Variants in COL25A1 observed in about 807,000 individuals in gnomAD.
The protein encoded by COL25A1 is collagen type XXV alpha 1 chain.
COL25A1 carries 103 observed loss-of-function variants against 128.4 expected under a neutral mutation model. The observed-to-expected ratio is 0.80, with a 90% CI of 0.68 to 0.94. The LOEUF (loss-of-function observed/expected upper bound fraction) is 0.94, where lower values mean the gene tolerates loss of function less well. COL25A1 is among the 40% of genes least tolerant of loss of function. The pLI, the probability that COL25A1 is intolerant of heterozygous loss-of-function variation, is 0.00. For synonymous variants in COL25A1, 279 were observed against 277.2 expected, an observed-to-expected ratio of 1.01 and a Z score of -0.06; for missense variants, 745 against 840.0, an observed-to-expected ratio of 0.89 and a Z score of 1.40.
chr4:108,946,702 C>T (rs984094692), intron 8 of COL25A1, among the ~76,000 whole-genome samples: 14 of 151,638 alleles, frequency 9.2e-5, no homozygotes, highest in Admixed American at 2.0e-4. Flanking sequence ...GAGAAGTTGG[C>T]GGGGGGGCTA....
intron 3 of COL25A1, among the ~76,000 whole-genome samples, chr4:109,083,449 T>A (rs4346722): frequency 0.26 from 5,402 of 20,934 alleles, 177 homozygotes; most frequent in East Asian, 0.35. Context: ...ACTAAATAAA[T>A]TTTTTTTTTT....
At chr4:109,222,059 CTTTT>C (rs3041336) in intron 3 of COL25A1, among the ~76,000 whole-genome samples, 1 of 85,764 alleles carries the variant, frequency 1.2e-5, no homozygotes, top group Non-Finnish European at 2.0e-5. Context: ...TAAATAACTT[CTTTT>C]TTTTTTTTTT....
intron 3 of COL25A1, among the ~76,000 whole-genome samples, chr4:109,087,352 C>T (rs1356556717): frequency 2.6e-5 from 4 of 152,088 alleles, no homozygotes; most frequent in African/African-American, 7.2e-5. Flanking sequence ...AAGGGGTCTG[C>T]ACCTAAAACA....
In COL25A1 at chr4:109,301,985, C is replaced by A. The variant is rs759197203; in HGVS notation, c.35G>T (p.Gly12Val). 50 of 1,604,462 alleles carry A rather than the reference C, an allele frequency of 3.1e-5. No homozygotes were observed. In the South Asian group the frequency reaches 5.4e-4, roughly 17 times the overall value. ...CGGGTCCTCGGATCTGGGCTCCCGG[C>A]CCCCTCCTTTCCCTGCGTGCTTCTT... Reference protein sequence around the residue: ...LLKKHAGKGGGREPRSEDPTP... With the variant: ...LLKKHAGKGGVREPRSEDPTP... Residue 12 changes from glycine to valine, a missense_variant, in exon 2 of 38, where the codon GGC becomes GTC. By Grantham distance (109) the Gly-to-Val change is moderately radical (BLOSUM62 -3). Coordinates refer to ENST00000399132, the MANE Select transcript of COL25A1 (RefSeq NM_198721.4).
chr4:108,913,120 A>G (rs972419605), intron 13 of COL25A1, among the ~76,000 whole-genome samples: 9 of 152,110 alleles, frequency 5.9e-5, no homozygotes, highest in Admixed American at 5.2e-4. Context: ...AGGCCTCAGA[A>G]AAATTCTAGC....
chr4:109,048,088 T>C, intron 5 of COL25A1, 80 bp downstream of exon 5: 1 of 1,424,530 alleles, frequency 7.0e-7, no homozygotes, highest in South Asian at 1.2e-5. Context: ...ATAGAGACTA[T>C]ATTTTGGTGT....
chr4:109,119,723 A>G (rs150340743), intron 3 of COL25A1, among the ~76,000 whole-genome samples: 101 of 152,210 alleles, frequency 6.6e-4, no homozygotes, highest in Non-Finnish European at 1.0e-3. Context: ...AAGTATATCA[A>G]TTCTCTAAAA....
intron 3 of COL25A1, among the ~76,000 whole-genome samples, chr4:109,284,839 G>GAAA (rs5860979): frequency 6.4e-5 from 8 of 124,222 alleles, no homozygotes; most frequent in Admixed American, 1.7e-4. Context: ...CCCCACCCAG[G>GAAA]AAAAAAAAAA....
intron 3 of COL25A1, among the ~76,000 whole-genome samples, chr4:109,056,056 A>C (rs563199804): frequency 6.6e-6 from 1 of 152,340 alleles, no homozygotes; most frequent in African/African-American, 2.4e-5. Context: ...AATAATAGGA[A>C]ATAATTTCAG....
chr4:108,884,591 A>G (rs1740556876), intron 18 of COL25A1, among the ~76,000 whole-genome samples: 1 of 152,204 alleles, frequency 6.6e-6, no homozygotes. Flanking sequence ...TGTGCATTTC[A>G]ACAATGCATC....
At chr4:109,299,488 A>T (rs1427203632) in intron 3 of COL25A1, among the ~76,000 whole-genome samples, 1 of 152,230 alleles carries the variant, frequency 6.6e-6, no homozygotes, top group Non-Finnish European at 1.5e-5. Context: ...TATAAGGTAC[A>T]ACCTGGAGTT....
At chr4:108,852,549 T>C (rs560373815) in intron 25 of COL25A1, among the ~76,000 whole-genome samples, 16 of 152,264 alleles carry the variant, frequency 1.1e-4, no homozygotes, top group Non-Finnish European at 1.8e-4. Flanking sequence ...GCTGCCATGC[T>C]CCACACTCAT....
intron 5 of COL25A1, among the ~76,000 whole-genome samples, chr4:109,028,131 C>T (rs984528421): frequency 1.2e-4 from 19 of 152,104 alleles, no homozygotes; most frequent in Admixed American, 1.1e-3. Context: ...TTTATTCATT[C>T]ATTCATTCAC....
At chr4:109,170,317 T>G (rs1463583770) in intron 3 of COL25A1, among the ~76,000 whole-genome samples, 1 of 152,182 alleles carries the variant, frequency 6.6e-6, no homozygotes, top group Non-Finnish European at 1.5e-5. Flanking sequence ...CCAGTCCTTC[T>G]AAAAACATTT....
intron 3 of COL25A1, among the ~76,000 whole-genome samples, chr4:109,136,273 C>A (rs1415312657): frequency 1.3e-5 from 2 of 152,108 alleles, no homozygotes; most frequent in Non-Finnish European, 2.9e-5. Context: ...GTGGCACGTG[C>A]CTGTAGTCCC....
At chr4:108,986,661 T>C (rs1396598224) in intron 6 of COL25A1, among the ~76,000 whole-genome samples, 2 of 152,212 alleles carry the variant, frequency 1.3e-5, no homozygotes, top group South Asian at 2.1e-4. Flanking sequence ...TAAGAAAGAC[T>C]GAAGAGTTTT....
intron 11 of COL25A1, among the ~76,000 whole-genome samples, chr4:108,936,443 T>C (rs1747413413): frequency 6.6e-6 from 1 of 152,110 alleles, no homozygotes; most frequent in African/African-American, 2.4e-5. Flanking sequence ...GGCACACACC[T>C]GTAGTGCCAG....
chr4:108,866,082 C>A (rs1272727907), intron 20 of COL25A1, among the ~76,000 whole-genome samples: 1 of 152,176 alleles, frequency 6.6e-6, no homozygotes, highest in Non-Finnish European at 1.5e-5. Flanking sequence ...GTTGCATTTA[C>A]TTCCCATGCT....
In COL25A1 at chr4:108,940,532, G is replaced by C. The variant is rs370036549; in HGVS notation, c.672+7C>G. On this transcript the variant is annotated splice_region_variant and intron_variant, in intron 10 of 37. Coordinates refer to ENST00000399132, the MANE Select transcript of COL25A1 (RefSeq NM_198721.4). ...TGTGAGAATAAGTGATCCAAAAAGC[G>C]ACTCACGGGTACTCCTGGCATTCCA... The C allele has an allele frequency of 5.0e-6, 8 of 1,609,740 alleles. No homozygotes were observed. Among genetic ancestry groups the C allele is most frequent in the Non-Finnish European group, 6.8e-6 (8 of 1,176,182 alleles).
Sources: allele counts gnomAD v4.1 joint callset (sites outside exome capture counted in the v4.1 genomes callset), GRCh38; gene constraint gnomAD v4.1.1; transcripts MANE v1.5; gene names NCBI Gene and HGNC (gene_info 2026-07-23, HGNC 2026-07-21).